Variants in ZNF536 observed in about 807,000 individuals in gnomAD.
ZNF536 encodes the protein zinc finger protein 536.
ZNF536 carries 13 observed loss-of-function variants against 84.5 expected under a neutral mutation model. The observed-to-expected ratio is 0.15, with a 90% CI of 0.10 to 0.24. The LOEUF (loss-of-function observed/expected upper bound fraction) is 0.24. Among genes scored for constraint, ZNF536 ranks in the 10% least tolerant of loss-of-function variants. The pLI, the probability that ZNF536 is intolerant of heterozygous loss-of-function variation, is 1.00. For synonymous variants in ZNF536, 811 were observed against 742.5 expected, an observed-to-expected ratio of 1.09 and a Z score of -1.50; for missense variants, 1,536 against 1,747.5, an observed-to-expected ratio of 0.88 and a Z score of 2.16.
intron 1 of ZNF536, among the ~76,000 whole-genome samples, chr19:30,603,453 G>T (rs982407387): frequency 6.6e-6 from 1 of 152,150 alleles, no homozygotes; most frequent in Non-Finnish European, 1.5e-5. Context: ...CGAACAAATA[G>T]AAGCCACTTG....
intron 1 of ZNF536, among the ~76,000 whole-genome samples, chr19:30,441,949 C>T (rs781655028): frequency 2.0e-5 from 3 of 152,198 alleles, no homozygotes; most frequent in Non-Finnish European, 2.9e-5. Flanking sequence ...CAGACCCTGC[C>T]GAGGCTGCCT....
At chr19:30,425,866 C>T (rs180765910) in intron 1 of ZNF536, among the ~76,000 whole-genome samples, 180 of 152,312 alleles carry the variant, frequency 1.2e-3, no homozygotes, top group African/African-American at 4.1e-3. Flanking sequence ...CTGTGGTGGG[C>T]ATGGATGCAA....
At chr19:30,659,347 C>T (rs2050034169) in intron 1 of ZNF536, among the ~76,000 whole-genome samples, 1 of 151,910 alleles carries the variant, frequency 6.6e-6, no homozygotes, top group Non-Finnish European at 1.5e-5. Context: ...AACCAGATCT[C>T]GTGAGCACTC....
chr19:30,622,872 C>T (rs1322764009), intron 1 of ZNF536, among the ~76,000 whole-genome samples: 1 of 152,034 alleles, frequency 6.6e-6, no homozygotes, highest in Non-Finnish European at 1.5e-5. Context: ...ACTTCCCTGA[C>T]CTCCTGTATC....
chr19:30,374,535 T>C (rs1223063622), intron 1 of ZNF536, among the ~76,000 whole-genome samples: 2 of 152,008 alleles, frequency 1.3e-5, no homozygotes, highest in Non-Finnish European at 2.9e-5. Context: ...CTGGTGAGGC[T>C]AGAAAAGGAA....
downstream of ZNF536, among the ~76,000 whole-genome samples, chr19:30,559,215 T>C (rs17314711): frequency 0.084 from 12,773 of 152,272 alleles, 808 homozygotes; most frequent in Middle Eastern, 0.12. Flanking sequence ...CCCACGACTG[T>C]TGCCTGATTC....
intron 2 of ZNF536, among the ~76,000 whole-genome samples, chr19:30,293,917 C>T (rs1376556821): frequency 6.6e-6 from 1 of 152,118 alleles, no homozygotes; most frequent in Non-Finnish European, 1.5e-5. Context: ...AACCTATGCC[C>T]ATACATTTTG....
chr19:30,656,321 G>C (rs569782207), intron 1 of ZNF536, among the ~76,000 whole-genome samples: 2 of 152,288 alleles, frequency 1.3e-5, no homozygotes, highest in South Asian at 4.1e-4. Context: ...GCACATACTG[G>C]AATATGGCAG....
chr19:30,362,960 G>T (rs2048320178), intron 3 of ZNF536, among the ~76,000 whole-genome samples: 2 of 152,116 alleles, frequency 1.3e-5, no homozygotes, highest in African/African-American at 4.8e-5. Context: ...TTGGGAGGCT[G>T]AGGCCAGAGA....
intron 2 of ZNF536, among the ~76,000 whole-genome samples, chr19:30,529,653 T>C (rs2044727149): frequency 6.6e-6 from 1 of 152,140 alleles, no homozygotes. Flanking sequence ...AAGACAAAAT[T>C]AGGAAGGTCT....
rs73536744 is a variant in ZNF536 at position 30,504,765 on chromosome 19, C to T, written c.2171-30082C>T. 6.2e-3 allele frequency among the ~76,000 whole-genome samples: 946 copies of T among 151,970 alleles called. 10 individuals carry two copies. The highest frequency in any genetic ancestry group is 0.022 in the African/African-American group (909 of 41,384). On this transcript the variant is annotated intron_variant, in intron 2 of 4. Coordinates refer to ENST00000355537, the MANE Select transcript of ZNF536 (RefSeq NM_014717.3). ...CTCCTCGGATTCAGGCTGCTGCCCT[C>T]ATGGGGTTTGCATGCCTACTCTCCC...
intron 1 of ZNF536, among the ~76,000 whole-genome samples, chr19:30,393,880 C>T (rs1227224389): frequency 6.6e-6 from 1 of 152,016 alleles, no homozygotes; most frequent in African/African-American, 2.4e-5. Context: ...GTTTAAGGGG[C>T]AATGTGGGCA....
chr19:30,591,876 T>C (rs2047289053), intron 1 of ZNF536, among the ~76,000 whole-genome samples: 3 of 152,206 alleles, frequency 2.0e-5, no homozygotes, highest in Admixed American at 1.3e-4. Flanking sequence ...TCAGTGCAGT[T>C]TGGAAAGCTT....
rs1218605681 is a variant in ZNF536 at position 30,493,211 on chromosome 19, T to TGAA, written c.2171-41635_2171-41633dup. ...TTTTTTTCTTCTGTAACTGTGCTAA[T>TGAA]GAAAACGTGTGTAATGAAACCTTCC... On this transcript the variant is annotated intron_variant, in intron 2 of 4. Coordinates refer to ENST00000355537, the MANE Select transcript of ZNF536 (RefSeq NM_014717.3). 7.3e-5 allele frequency among the ~76,000 whole-genome samples: 11 copies of TGAA among 150,166 alleles called. No homozygotes were observed. In the Admixed American group the frequency reaches 7.4e-4, roughly 10 times the overall value.
At chr19:30,423,121 GCATCCATCCATCCATCCATC>G (rs202164325) in intron 1 of ZNF536, among the ~76,000 whole-genome samples, 1 of 25,230 alleles carries the variant, frequency 4.0e-5, no homozygotes, top group Admixed American at 3.7e-4. Context: ...ATCCATCCAT[GCATCCATCCATCCATCCATC>G]CATCCATCCA....
chr19:30,673,781 T>C lies in ZNF536; in HGVS notation c.170-36976T>C, dbSNP rs1474768188. On this transcript the variant is annotated intron_variant, in intron 1 of 1. Coordinates refer to the ZNF536 transcript ENST00000592773. The stretch of plus-strand genomic sequence containing the variant: ...CCCGATGTCAGGTTCCCCATGTTTA[T>C]AGGTAAAATATTACTGGTGACCGAC... Among the ~76,000 whole-genome samples, 5 of 152,334 alleles carry C rather than the reference T, an allele frequency of 3.3e-5. No homozygotes were observed. In the East Asian group the frequency reaches 7.7e-4, roughly 24 times the overall value.
At chr19:30,243,348 G>T (rs1295605622) in intron 1 of ZNF536, among the ~76,000 whole-genome samples, 1 of 152,088 alleles carries the variant, frequency 6.6e-6, no homozygotes, top group Non-Finnish European at 1.5e-5. Context: ...GAACAATATT[G>T]TTCCCAAGTA....
At chr19:30,639,435 C>T (rs1284971749) in intron 1 of ZNF536, among the ~76,000 whole-genome samples, 1 of 152,122 alleles carries the variant, frequency 6.6e-6, no homozygotes, top group Non-Finnish European at 1.5e-5. Context: ...GAGTGTTTTA[C>T]CCTCATAGCA....
At chr19:30,711,951 G>A (rs1019802097) in exon 2 of ZNF536, 1 of 151,896 alleles carries the variant, frequency 6.6e-6, no homozygotes, top group Non-Finnish European at 1.5e-5. Flanking sequence ...AGGCTGCTCC[G>A]GTCCTTATTA....
Sources: gnomAD v4.1 joint callset for allele counts (sites outside exome capture counted in the v4.1 genomes callset) on GRCh38, gnomAD v4.1.1 for gene constraint, MANE v1.5 for transcripts, NCBI Gene and HGNC (gene_info 2026-07-23, HGNC 2026-07-21) for gene names.